The following CALCR variants were observed in gnomAD, a reference collection of about 807,000 sequenced individuals.
CALCR encodes the protein calcitonin receptor.
A neutral mutation model predicts 59.5 loss-of-function variants in CALCR; 47 were observed. The observed-to-expected ratio is 0.79, with a 90% CI of 0.63 to 1.01. The LOEUF (loss-of-function observed/expected upper bound fraction) is 1.01, where lower values mean the gene tolerates loss of function less well. CALCR is among the 50% of genes least tolerant of loss of function. CALCR has a pLI of 0.00. For synonymous variants in CALCR, 213 were observed against 211.3 expected (o/e 1.01, Z -0.07); for missense variants, 566 against 597.1 (o/e 0.95, Z 0.54).
At chr7:93,469,342 G>C (rs776864521) in intron 6 of CALCR, among the ~76,000 whole-genome samples, 5 of 148,824 alleles carry the variant, frequency 3.4e-5, no homozygotes, top group Admixed American at 6.7e-5. Context: ...TTTTTTTCAC[G>C]ATCATGGTTA....
At chr7:93,478,798 T>G (rs1272973909) in intron 4 of CALCR, among the ~76,000 whole-genome samples, 1 of 151,820 alleles carries the variant, frequency 6.6e-6, no homozygotes, top group Non-Finnish European at 1.5e-5. Flanking sequence ...AGAATATGTT[T>G]AGACCTGAAA....
At chr7:93,545,692 AT>A (rs986807754) in intron 2 of CALCR, among the ~76,000 whole-genome samples, 17 of 151,728 alleles carry the variant, frequency 1.1e-4, no homozygotes, top group South Asian at 2.1e-4. Context: ...ACAGTATTAA[AT>A]TTTTTTTTAA....
rs561438290 is a variant in CALCR at position 93,511,651 on chromosome 7, C to G, written c.-26-24644G>C. Among the ~76,000 whole-genome samples, 18 of 152,100 alleles carry G rather than the reference C, an allele frequency of 1.2e-4. No homozygotes were observed. In the South Asian group the frequency reaches 3.7e-3, roughly 32 times the overall value. On this transcript the variant is annotated intron_variant, in intron 2 of 13. Coordinates refer to ENST00000426151, the MANE Select transcript of CALCR (RefSeq NM_001742.4). ...ATTCTTAGACAATACAGTTGTTGGA[C>G]TTTTCAGACCAATACTTTAAAACAG... is the stretch of plus-strand genomic sequence containing the variant.
intron 13 of CALCR, among the ~76,000 whole-genome samples, chr7:93,431,530 G>A (rs1347233937): frequency 6.6e-6 from 1 of 152,222 alleles, no homozygotes; most frequent in African/African-American, 2.4e-5. Context: ...CGAGGGCTTA[G>A]TAGTAAGGGG....
At chr7:93,504,667 CT>C (rs1435703130) in intron 2 of CALCR, among the ~76,000 whole-genome samples, 3 of 152,090 alleles carry the variant, frequency 2.0e-5, no homozygotes, top group South Asian at 2.1e-4. Flanking sequence ...CTTTTTCCCC[CT>C]AAGCAAAACT....
In CALCR at chr7:93,426,260, G is replaced by C; in HGVS notation, c.*96C>G. 3 of 737,698 alleles carry C rather than the reference G, an allele frequency of 4.1e-6. No individual in the cohort carries two copies. The highest frequency in any genetic ancestry group is 7.3e-6 in the Non-Finnish European group (3 of 409,864). The allele number at this position is 737,698 out of a possible 1,614,324, so 45.7% of individuals were successfully genotyped here. A position where few individuals can be genotyped will look rare whatever the true frequency, so the allele number is the denominator to read the frequency against. ...CTGAATAATTCTTCACAAATGATAT[G>C]TTCGGTTCCTGGGAGGATGGAGAAT... On this transcript the variant is annotated 3_prime_UTR_variant, in exon 14 of 14. Transcript: ENST00000426151.
intron 13 of CALCR, among the ~76,000 whole-genome samples, chr7:93,427,110 C>T (rs1477029482): frequency 6.6e-6 from 1 of 152,146 alleles, no homozygotes; most frequent in Non-Finnish European, 1.5e-5. Flanking sequence ...CTGGTTAATG[C>T]CATGACAACT....
intron 2 of CALCR, among the ~76,000 whole-genome samples, chr7:93,492,469 A>T (rs1007206539): frequency 6.6e-6 from 1 of 151,410 alleles, no homozygotes; most frequent in African/African-American, 2.4e-5. Context: ...ACCTATTGGC[A>T]TAACAGGAAA....
At chr7:93,573,309 A>C (rs1790046598) in intron 2 of CALCR, among the ~76,000 whole-genome samples, 1 of 152,218 alleles carries the variant, frequency 6.6e-6, no homozygotes, top group South Asian at 2.1e-4. Context: ...TTAAACTCGG[A>C]CGCTCTGTAA....
intron 7 of CALCR, chr7:93,462,201 T>C: frequency 1.6e-6 from 1 of 629,636 alleles, no homozygotes; most frequent in Middle Eastern, 3.8e-4. Flanking sequence ...CGGGAAGCGA[T>C]TATAGTAACT....
intron 5 of CALCR, 135 bp downstream of exon 5, chr7:93,477,423 A>C (rs1364419284): frequency 1.8e-6 from 1 of 562,416 alleles, no homozygotes; most frequent in Non-Finnish European, 3.2e-6. Flanking sequence ...TATTTCAATT[A>C]AGGAAACACT....
At position 93,461,274 on chromosome 7, in the gene CALCR, T is replaced by C. The variant is rs10227239; in HGVS notation, c.522-327A>G. On this transcript the variant is annotated intron_variant, in intron 7 of 13. Transcript: ENST00000426151. ...GAAGGACTCTTAGATTAGCAACTAT[T>C]AGGGTCTGCAGTGTGCTTCAAATGA... is the stretch of plus-strand genomic sequence containing the variant. Among the ~76,000 whole-genome samples, 9,430 of 152,218 alleles carry C rather than the reference T, an allele frequency of 0.062. 937 individuals are homozygous for C. Among genetic ancestry groups the C allele is most frequent in the African/African-American group, 0.21 (8,567 of 41,510 alleles).
rs1297486277 is a variant in CALCR at position 93,477,563 on chromosome 7, G to A, written c.311C>T (p.Pro104Leu). 6.3e-7 allele frequency: 1 copy of A among 1,598,784 alleles called. No homozygotes were observed. Among genetic ancestry groups the A allele is most frequent in the Middle Eastern group, 1.7e-4 (1 of 6,022 alleles). ...AATGAAAATAAACACTCTACCTGAT[G>A]GATCAAAATCCGGAAAATAATCTGG... is the stretch of plus-strand genomic sequence containing the variant. ...FCPDYFPDFDPSEKVTKYCDE... is the reference protein window; with the variant it reads ...FCPDYFPDFDLSEKVTKYCDE... The change falls in exon 5 of 14, where the codon CCA (proline) becomes CTA (leucine). Residue 104 changes from proline to leucine, a missense_variant. Physicochemically the swap from Pro to Leu is moderately conservative, Grantham distance 98. Transcript: ENST00000426151.
chr7:93,437,022 GA>G (rs1290319905), intron 11 of CALCR, among the ~76,000 whole-genome samples: 25 of 108,162 alleles, frequency 2.3e-4, no homozygotes, highest in African/African-American at 9.9e-4. Flanking sequence ...GTTAATTGTT[GA>G]ATCTTTTTTT....
chr7:93,478,198 C>A lies in CALCR; in HGVS notation c.206-530G>T, dbSNP rs115859661. Reference sequence around the variant, plus strand: ...CCTTTGGTCAGAGTTATGTCTAATGCCTGTTCAGTTCTTGATAAACACTGA... The same window carrying A: ...CCTTTGGTCAGAGTTATGTCTAATGACTGTTCAGTTCTTGATAAACACTGA... On this transcript the variant is annotated intron_variant, in intron 4 of 13. Transcript: ENST00000426151. 5.0e-3 allele frequency among the ~76,000 whole-genome samples: 729 copies of A among 144,982 alleles called. 4 individuals carry two copies. The highest frequency in any genetic ancestry group is 0.017 in the African/African-American group (677 of 40,404).
At chr7:93,437,326 T>C (rs908842811) in intron 11 of CALCR, among the ~76,000 whole-genome samples, 2 of 152,168 alleles carry the variant, frequency 1.3e-5, no homozygotes, top group Non-Finnish European at 2.9e-5. Flanking sequence ...ATCGTGAATT[T>C]ATGAGTAGCT....
intron 2 of CALCR, among the ~76,000 whole-genome samples, chr7:93,557,967 T>C (rs1305963108): frequency 6.6e-6 from 1 of 152,002 alleles, no homozygotes; most frequent in Admixed American, 6.6e-5. Context: ...TTTAGTTATA[T>C]TTGTTTATTT....
Position 93,425,624 on chromosome 7 carries a change from C to T in CALCR, c.*732G>A, listed in dbSNP as rs1045540957. ...CTCTCAGTTTATAAACATCAGCAACCAAAATACATTCAACATTAAGACCAA... is the reference window on the plus strand; with the variant it reads ...CTCTCAGTTTATAAACATCAGCAACTAAAATACATTCAACATTAAGACCAA... On this transcript the variant is annotated 3_prime_UTR_variant, in exon 14 of 14. Coordinates refer to ENST00000426151, the MANE Select transcript of CALCR (RefSeq NM_001742.4). 1 of 152,166 alleles carries T rather than the reference C, an allele frequency of 6.6e-6. No homozygotes were observed. The highest frequency in any genetic ancestry group is 1.5e-5 in the Non-Finnish European group (1 of 68,002). 9.4% of individuals were successfully genotyped at this position (152,166 alleles called of 1,614,324 possible).
chr7:93,446,077 C>A (rs577858855), intron 8 of CALCR, among the ~76,000 whole-genome samples: 1 of 151,994 alleles, frequency 6.6e-6, no homozygotes, highest in Non-Finnish European at 1.5e-5. Flanking sequence ...AGCAAATCTG[C>A]TAGGAGTATT....
Sources: allele counts gnomAD v4.1 joint callset (sites outside exome capture counted in the v4.1 genomes callset), GRCh38; gene constraint gnomAD v4.1.1; transcripts MANE v1.5; gene names NCBI Gene and HGNC (gene_info 2026-07-23, HGNC 2026-07-21).